The following ZNF362 variants were observed in gnomAD, a reference collection of about 807,000 sequenced individuals.
ZNF362 encodes the protein rotund homolog.
ZNF362 carries 11 observed loss-of-function variants against 42.9 expected under a neutral mutation model. That is an observed-to-expected ratio of 0.26 (90% CI 0.16 to 0.42). The LOEUF (loss-of-function observed/expected upper bound fraction) is 0.42, where lower values mean the gene tolerates loss of function less well. Ranked by LOEUF, ZNF362 falls within the 20% of genes least tolerant of loss-of-function variation. The pLI, the probability that ZNF362 is intolerant of heterozygous loss-of-function variation, is 1.00. For synonymous variants in ZNF362, 255 were observed against 257.3 expected (o/e 0.99, Z 0.09); for missense variants, 362 against 576.2 (o/e 0.63, Z 3.81).
At chr1:33,204,162 G>T in the ZNF362 span, among the ~76,000 whole-genome samples, 3 of 152,044 alleles carry the variant, frequency 2.0e-5, no homozygotes, top group Admixed American at 2.0e-4. Flanking sequence ...TATAATATAA[G>T]AGTCCAGTTT....
At position 33,268,999 on chromosome 1, in the gene ZNF362, G is replaced by T. The variant is rs944221852; in HGVS notation, c.-88-1488G>T. Among the ~76,000 whole-genome samples, 12 of 152,192 alleles carry T rather than the reference G, an allele frequency of 7.9e-5. 1 individual carries two copies. Among genetic ancestry groups the T allele is most frequent in the Admixed American group, 2.6e-4 (4 of 15,288 alleles). On this transcript the variant is annotated intron_variant, in intron 1 of 8. Coordinates refer to ENST00000539719, the MANE Select transcript of ZNF362 (RefSeq NM_152493.3). ...GCTGAAGGGGGCCTGGATCAGGGCA[G>T]GGGAGGTGGTGCAGACCCTCTTCTC...
At chr1:33,179,901 A>C in the ZNF362 span, among the ~76,000 whole-genome samples, 1 of 147,264 alleles carries the variant, frequency 6.8e-6, no homozygotes, top group East Asian at 2.0e-4. Flanking sequence ...GCACACTGAA[A>C]ATTCTCCAAG....
At chr1:33,203,921 C>A in the ZNF362 span, among the ~76,000 whole-genome samples, 1 of 152,044 alleles carries the variant, frequency 6.6e-6, no homozygotes, top group Non-Finnish European at 1.5e-5. Flanking sequence ...ATTTTGTATG[C>A]TGCCTTTTCC....
At chr1:33,135,281 C>G in the ZNF362 span, among the ~76,000 whole-genome samples, 1 of 152,038 alleles carries the variant, frequency 6.6e-6, no homozygotes, top group African/African-American at 2.4e-5. Flanking sequence ...GAGCAAGACT[C>G]TCTCAAAAAC....
the ZNF362 span, among the ~76,000 whole-genome samples, chr1:33,206,147 CAT>C: frequency 1.3e-5 from 2 of 151,918 alleles, no homozygotes; most frequent in Non-Finnish European, 2.9e-5. Context: ...TCAAATGTAT[CAT>C]AGAAAATTAG....
At chr1:33,158,760 C>T in the ZNF362 span, among the ~76,000 whole-genome samples, 1 of 152,138 alleles carries the variant, frequency 6.6e-6, no homozygotes, top group African/African-American at 2.4e-5. Flanking sequence ...GAGACCTAGG[C>T]TTGAATCCTG....
Position 33,267,496 on chromosome 1 carries a change from T to C in ZNF362, c.-88-2991T>C, listed in dbSNP as rs1031215283. Among the ~76,000 whole-genome samples, 17 of 152,334 alleles carry C rather than the reference T, an allele frequency of 1.1e-4. 1 individual carries two copies. The South Asian group carries it at 2.7e-3, about 24-fold the overall frequency. On this transcript the variant is annotated intron_variant, in intron 1 of 8. Transcript: ENST00000539719. ...GACTATTGTTGTATCACAAGTATTTTTTTAAATGACTGCAGAGTGGTTTCA... is the reference window on the plus strand; with the variant it reads ...GACTATTGTTGTATCACAAGTATTTCTTTAAATGACTGCAGAGTGGTTTCA...
At chr1:33,257,798 C>T (rs1645803967) in intron 1 of ZNF362, among the ~76,000 whole-genome samples, 1 of 152,258 alleles carries the variant, frequency 6.6e-6, no homozygotes, top group East Asian at 1.9e-4. Flanking sequence ...CCTTCGGGAG[C>T]TGTGTGTGTG....
chr1:33,177,996 A>G, the ZNF362 span, among the ~76,000 whole-genome samples: 1 of 152,226 alleles, frequency 6.6e-6, no homozygotes, highest in Non-Finnish European at 1.5e-5. This position sits in a 1 kb window ranked among gnomAD's most constrained non-coding sequence, Gnocchi z 4.1. Flanking sequence ...TTACCTGGGT[A>G]CAAAGCAGGG....
the ZNF362 span, among the ~76,000 whole-genome samples, chr1:33,218,337 A>G: frequency 6.6e-6 from 1 of 152,164 alleles, no homozygotes; most frequent in Non-Finnish European, 1.5e-5. Context: ...GCTACTTGAG[A>G]AACTGAGGCA....
intron 4 of ZNF362, among the ~76,000 whole-genome samples, chr1:33,278,442 T>G (rs1290317300): frequency 1.3e-5 from 2 of 152,258 alleles, no homozygotes; most frequent in African/African-American, 4.8e-5. Flanking sequence ...TTAATCCTAC[T>G]ATTGTTAAGA....
chr1:33,181,382 G>A, the ZNF362 span: 1 of 1,602,202 alleles, frequency 6.2e-7, no homozygotes, highest in African/African-American at 1.3e-5. The surrounding 1 kb of genome is among the most constrained non-coding windows in gnomAD (Gnocchi z 6.5). Context: ...GGTCCTGGTA[G>A]ATGCTCAGGC....
chr1:33,155,636 G>A, the ZNF362 span, among the ~76,000 whole-genome samples: 22 of 152,264 alleles, frequency 1.4e-4, no homozygotes, highest in South Asian at 4.1e-4. Context: ...TCGTGACCAA[G>A]GACAAGTTCC....
intron 2 of ZNF362, among the ~76,000 whole-genome samples, chr1:33,270,913 A>G (rs1425439316): frequency 6.6e-6 from 1 of 152,066 alleles, no homozygotes; most frequent in African/African-American, 2.4e-5. Flanking sequence ...TGTGTTTGTC[A>G]GCATTGGTAT....
At chr1:33,251,635 T>A (rs1645762415), upstream of ZNF362, among the ~76,000 whole-genome samples, 1 of 152,158 alleles carries the variant, frequency 6.6e-6, no homozygotes. Context: ...GCCTACGACA[T>A]CTAGCCCTGA....
the ZNF362 span, among the ~76,000 whole-genome samples, chr1:33,236,531 T>TAAA: frequency 2.4e-3 from 10 of 4,190 alleles, no homozygotes; most frequent in Non-Finnish European, 6.1e-3. Context: ...CTCTGCCTCT[T>TAAA]AAAAAAAAAA....
intron 1 of ZNF362, among the ~76,000 whole-genome samples, chr1:33,263,458 T>G (rs2148067213): frequency 6.6e-6 from 1 of 152,072 alleles, no homozygotes; most frequent in South Asian, 2.1e-4. Context: ...TCACCCAGGC[T>G]GGAGTGCAGT....
the ZNF362 span, among the ~76,000 whole-genome samples, chr1:33,230,543 A>T: frequency 6.6e-6 from 1 of 152,242 alleles, no homozygotes; most frequent in Non-Finnish European, 1.5e-5. Context: ...TTCACCGAAT[A>T]CTTCACATGT....
chr1:33,174,945 GTATATATA>G, the ZNF362 span, among the ~76,000 whole-genome samples: 95,171 of 141,532 alleles, frequency 0.67, 32,277 homozygotes, highest in Non-Finnish European at 0.73. Flanking sequence ...ATATATGTGT[GTATATATA>G]TATATATATA....
Sources: gnomAD v4.1 joint callset for allele counts (sites outside exome capture counted in the v4.1 genomes callset) on GRCh38, gnomAD v4.1.1 for gene constraint, Gnocchi (gnomAD v3.1) non-coding constraint, MANE v1.5 for transcripts, NCBI Gene and HGNC (gene_info 2026-07-23, HGNC 2026-07-21) for gene names.